The following VPS13D variants were observed in gnomAD, a reference collection of about 807,000 sequenced individuals.
VPS13D encodes vacuolar protein sorting 13 homolog D.
VPS13D carries 187 observed loss-of-function variants against 461.9 expected under a neutral mutation model. The observed-to-expected ratio is 0.40, with a 90% CI of 0.36 to 0.46. The LOEUF is 0.46. Ranked by LOEUF, VPS13D falls within the 20% of genes least tolerant of loss-of-function variation. The pLI is 0.60. For synonymous variants in VPS13D, 1,951 were observed against 1,986.3 expected (o/e 0.98, Z 0.47); for missense variants, 4,711 against 5,364.9 (o/e 0.88, Z 3.81).
Position 12,505,615 on chromosome 1 carries a change from C to T in VPS13D, c.12795-1238C>T, listed in dbSNP as rs1165228267. Among the ~76,000 whole-genome samples the T allele has an allele frequency of 6.6e-6, 1 of 152,196 alleles. No homozygotes were observed. The highest frequency in any genetic ancestry group is 6.5e-5 in the Admixed American group (1 of 15,280). ...AGATATGGACTCCACTTAGAGGGCT[C>T]ACCTCGTAGTCAGCAAAGAGACTTA... On this transcript the variant is annotated intron_variant, in intron 68 of 69. Coordinates refer to ENST00000620676, the MANE Select transcript of VPS13D (RefSeq NM_015378.4). The surrounding 1 kb of genome is among the most constrained non-coding windows in gnomAD (Gnocchi z 4.2).
At chr1:12,497,816 C>G (rs1645980798) in intron 68 of VPS13D, among the ~76,000 whole-genome samples, 185 bp downstream of exon 68, 1 of 152,212 alleles carries the variant, frequency 6.6e-6, no homozygotes, top group African/African-American at 2.4e-5. Flanking sequence ...GCCTTTTACT[C>G]AAAGCAGTGG....
intron 59 of VPS13D, among the ~76,000 whole-genome samples, chr1:12,385,627 T>TACTC (rs1644341000): frequency 6.6e-6 from 1 of 152,256 alleles, no homozygotes; most frequent in Non-Finnish European, 1.5e-5. Flanking sequence ...TGTTTGAATT[T>TACTC]CAGTAAGATT....
At chr1:12,428,286 T>A (rs544679702) in intron 65 of VPS13D, among the ~76,000 whole-genome samples, 3 of 152,246 alleles carry the variant, frequency 2.0e-5, no homozygotes, top group African/African-American at 4.8e-5. Context: ...GCGCAGTTGG[T>A]CCCTGGATAC....
chr1:12,345,391 G>A lies in VPS13D; in HGVS notation c.8903G>A (p.Arg2968Gln), dbSNP rs750000898. The A allele has an allele frequency of 3.5e-5, 56 of 1,612,268 alleles. No individual in the cohort carries two copies. The highest frequency in any genetic ancestry group is 3.7e-5 in the Non-Finnish European group (44 of 1,178,668). The change falls in exon 43 of 70, where the codon CGG (arginine) becomes CAG (glutamine). Residue 2968 changes from arginine to glutamine, a missense_variant. Coordinates refer to ENST00000620676, the MANE Select transcript of VPS13D (RefSeq NM_015378.4). ...CCTGACAGACACACCCATGACCTCC[G>A]GATTCATCAACTGCAAGTGAGAGTA... ...KLRHRHTHDL[R>Q]IHQLQVRVNG... is the part of the protein sequence containing the mutation.
chr1:12,467,227 A>G (rs1570234758), intron 67 of VPS13D, among the ~76,000 whole-genome samples: 1 of 152,198 alleles, frequency 6.6e-6, no homozygotes, highest in African/African-American at 2.4e-5. Flanking sequence ...GCTGGAATGC[A>G]GTGGCACAAC....
chr1:12,255,226 G>T (rs55675735), intron 7 of VPS13D, among the ~76,000 whole-genome samples: 1 of 152,306 alleles, frequency 6.6e-6, no homozygotes, highest in South Asian at 2.1e-4. Flanking sequence ...GATTACAGGC[G>T]TGAGTCACCA....
At chr1:12,500,081 G>A in intron 68 of VPS13D, 1 of 985,276 alleles carries the variant, frequency 1.0e-6, no homozygotes. Context: ...AAAATATTGT[G>A]TAATTATTTC....
At chr1:12,308,405 A>C in intron 26 of VPS13D, 26 bp from the exon 27 acceptor site, 1 of 1,612,824 alleles carries the variant, frequency 6.2e-7, no homozygotes, top group Non-Finnish European at 8.5e-7. Context: ...TTTCTTCATT[A>C]CCTCTCTTTC....
intron 24 of VPS13D, among the ~76,000 whole-genome samples, chr1:12,297,181 G>A (rs1469766755): frequency 6.6e-6 from 1 of 152,114 alleles, no homozygotes; most frequent in Non-Finnish European, 1.5e-5. Context: ...ACGTGTTTTT[G>A]ACATGTAGCT....
chr1:12,253,264 T>C (rs1311021890), intron 6 of VPS13D, among the ~76,000 whole-genome samples: 3 of 152,236 alleles, frequency 2.0e-5, no homozygotes, highest in East Asian at 1.9e-4. Context: ...AGGGAGGATA[T>C]ATGGGTAGGT....
chr1:12,393,985 ACGT>A (rs962925591), intron 60 of VPS13D, among the ~76,000 whole-genome samples: 13 of 152,184 alleles, frequency 8.5e-5, no homozygotes, highest in African/African-American at 3.1e-4. Flanking sequence ...CCTGAAATCA[ACGT>A]CAGCTCAGAG....
At position 12,253,926 on chromosome 1, in the gene VPS13D, A is replaced by G. The variant is rs539414371; in HGVS notation, c.669+100A>G. 2.1e-5 allele frequency: 18 copies of G among 867,596 alleles called. No individual in the cohort carries two copies. The East Asian group carries it at 4.5e-4, about 22-fold the overall frequency. 53.7% of individuals were successfully genotyped at this position (867,596 alleles called of 1,614,324 possible). On this transcript the variant is annotated intron_variant, in intron 7 of 69. Coordinates refer to ENST00000620676, the MANE Select transcript of VPS13D (RefSeq NM_015378.4). ...TTTTGTCTCTTGCCTCTCTGATTCC[A>G]GTTCCCACCCACTGTTCCTCTAAAG...
At chr1:12,319,304 C>T (rs147239903) in intron 31 of VPS13D, among the ~76,000 whole-genome samples, 193 bp from the exon 32 acceptor site, 215 of 152,350 alleles carry the variant, frequency 1.4e-3, no homozygotes, top group Admixed American at 4.9e-3. Flanking sequence ...TCTGTTGGTT[C>T]AGCTGCATGT....
At chr1:12,470,109 A>C (rs1350793874) in intron 67 of VPS13D, among the ~76,000 whole-genome samples, 3 of 152,222 alleles carry the variant, frequency 2.0e-5, no homozygotes, top group Non-Finnish European at 4.4e-5. Context: ...AGATTTCCCC[A>C]AACATACTTC....
intron 35 of VPS13D, among the ~76,000 whole-genome samples, chr1:12,325,993 T>G (rs1643172378): frequency 6.6e-6 from 1 of 151,030 alleles, no homozygotes; most frequent in Non-Finnish European, 1.5e-5. Flanking sequence ...TTTTTTTAAT[T>G]TTTCTTTTTT....
At chr1:12,475,800 G>T (rs1016760030) in intron 67 of VPS13D, among the ~76,000 whole-genome samples, 2 of 151,976 alleles carry the variant, frequency 1.3e-5, no homozygotes, top group Non-Finnish European at 2.9e-5. Context: ...GGAACCTGTT[G>T]TAAATAAACC....
chr1:12,249,457 T>A, intron 6 of VPS13D, 118 bp downstream of exon 6: 1 of 722,382 alleles, frequency 1.4e-6, no homozygotes, highest in Non-Finnish European at 2.2e-6. Flanking sequence ...TTGCCTTCTG[T>A]GATAGGCATG....
intron 23 of VPS13D, among the ~76,000 whole-genome samples, chr1:12,292,201 G>C (rs917761274): frequency 6.9e-6 from 1 of 144,108 alleles, no homozygotes; most frequent in African/African-American, 2.6e-5. Context: ...GGAGGTTGCA[G>C]TGAGCCGGGA....
In VPS13D at chr1:12,279,432, G is replaced by A. The variant is rs759999663; in HGVS notation, c.4451-67G>A. The stretch of plus-strand genomic sequence containing the variant: ...ATGGGCTGTATTTTGTATATTCTAC[G>A]TTTAATCAGCAGTAATGAAGTAAAT... On this transcript the variant is annotated intron_variant, in intron 19 of 69. Coordinates refer to ENST00000620676, the MANE Select transcript of VPS13D (RefSeq NM_015378.4). This position sits in a 1 kb window ranked among gnomAD's most constrained non-coding sequence, Gnocchi z 4.3. 29 of 1,480,376 alleles carry A rather than the reference G, an allele frequency of 2.0e-5. No individual in the cohort carries two copies. The highest frequency in any genetic ancestry group is 6.9e-5 in the African/African-American group (5 of 72,236). 91.7% of individuals were successfully genotyped at this position (1,480,376 alleles called of 1,614,324 possible).
Sources: gnomAD v4.1 joint callset for allele counts (sites outside exome capture counted in the v4.1 genomes callset) on GRCh38, gnomAD v4.1.1 for gene constraint, Gnocchi (gnomAD v3.1) non-coding constraint, MANE v1.5 for transcripts, NCBI Gene and HGNC (gene_info 2026-07-23, HGNC 2026-07-21) for gene names.